METTL25: variants seen among roughly 807,000 people sequenced by gnomAD.
METTL25 encodes the protein methyltransferase like 25.
Under a neutral mutation model 71.6 loss-of-function variants are expected in METTL25, and 64 were observed. The ratio of observed to expected loss-of-function variants is 0.89; its 90% CI spans 0.73 to 1.10. The LOEUF (loss-of-function observed/expected upper bound fraction) is 1.10, where lower values mean the gene tolerates loss of function less well. METTL25 is among the 50% of genes least tolerant of loss of function. The pLI is 0.00. For missense variants in METTL25, 807 were observed against 707.0 expected (o/e 1.14, Z -1.60); for synonymous variants, 287 against 250.3 (o/e 1.15, Z -1.38).
chr12:82,405,349 C>T (rs1367564947), intron 5 of METTL25, among the ~76,000 whole-genome samples: 1 of 152,034 alleles, frequency 6.6e-6, no homozygotes, highest in Non-Finnish European at 1.5e-5. Context: ...TGTTGCGTTG[C>T]TGTGGATTGT....
chr12:82,414,860 T>C (rs118057258), intron 5 of METTL25, among the ~76,000 whole-genome samples: 5,008 of 152,258 alleles, frequency 0.033, 92 homozygotes, highest in Admixed American at 0.041. Flanking sequence ...GGTAAATAAA[T>C]TACCAGAAAG....
At chr12:82,457,419 A>G (rs910860106) in intron 9 of METTL25, among the ~76,000 whole-genome samples, 2 of 151,994 alleles carry the variant, frequency 1.3e-5, no homozygotes, top group African/African-American at 4.8e-5. Context: ...AATTGAGTAT[A>G]AATTGAAACG....
intron 8 of METTL25, among the ~76,000 whole-genome samples, chr12:82,455,128 A>C (rs780630324): frequency 6.6e-6 from 1 of 151,660 alleles, no homozygotes; most frequent in Non-Finnish European, 1.5e-5. Context: ...TAACTGGCTT[A>C]TGGGAAAAAC....
At chr12:82,395,414 G>GT (rs1885979280) in intron 3 of METTL25, among the ~76,000 whole-genome samples, 2 of 152,144 alleles carry the variant, frequency 1.3e-5, no homozygotes, top group South Asian at 4.1e-4. Context: ...AGCCATTGCA[G>GT]TTAACCAGGC....
chr12:82,399,270 C>T lies in METTL25; in HGVS notation c.1007C>T (p.Thr336Ile). 6.2e-6 allele frequency: 10 copies of T among 1,613,716 alleles called. No homozygotes were observed. The highest frequency in any genetic ancestry group is 8.5e-6 in the Non-Finnish European group (10 of 1,179,810). The change falls in exon 4 of 12, where the codon ACA becomes ATA. Residue 336 changes from threonine to isoleucine, a missense_variant. Coordinates refer to ENST00000248306, the MANE Select transcript of METTL25 (RefSeq NM_032230.3). ...TSSQQIPNRE[T>I]SEANKERRKM... ...TCACAGCAAATACCCAACAGAGAAA[C>T]ATCTGAAGCCAATAAAGAGAGAAGA...
chr12:82,373,155 C>G (rs1358291023), intron 1 of METTL25, among the ~76,000 whole-genome samples: 4 of 152,068 alleles, frequency 2.6e-5, no homozygotes. Context: ...AGTATTGGGA[C>G]CTTACCACTG....
chr12:82,372,392 T>C (rs1348817388), intron 1 of METTL25, among the ~76,000 whole-genome samples: 1 of 152,092 alleles, frequency 6.6e-6, no homozygotes, highest in African/African-American at 2.4e-5. Flanking sequence ...TTATCATTAA[T>C]AGGAAGGGGA....
intron 5 of METTL25, among the ~76,000 whole-genome samples, chr12:82,403,785 T>G (rs1226594436): frequency 6.6e-6 from 1 of 152,182 alleles, no homozygotes. Context: ...AATCTTTCCA[T>G]AAGATATTGT....
intron 1 of METTL25, 57 bp from the exon 2 acceptor site, chr12:82,386,746 T>G: frequency 2.2e-6 from 3 of 1,349,100 alleles, no homozygotes; most frequent in Non-Finnish European, 3.1e-6. Flanking sequence ...TTTATTAATA[T>G]CACACTAATT....
At chr12:82,377,233 T>A (rs754948427) in intron 1 of METTL25, among the ~76,000 whole-genome samples, 7 of 152,194 alleles carry the variant, frequency 4.6e-5, no homozygotes, top group Non-Finnish European at 7.4e-5. Context: ...AAAGTAAATA[T>A]CACATGTGGC....
At chr12:82,421,821 C>T (rs1355833310) in intron 5 of METTL25, among the ~76,000 whole-genome samples, 1 of 152,168 alleles carries the variant, frequency 6.6e-6, no homozygotes, top group African/African-American at 2.4e-5. Context: ...TTCCTTGACA[C>T]ATACACCCTC....
chr12:82,453,003 A>T (rs1891254147), intron 8 of METTL25, among the ~76,000 whole-genome samples: 1 of 152,166 alleles, frequency 6.6e-6, no homozygotes, highest in Admixed American at 6.6e-5. Context: ...GTGCATATAC[A>T]ACATTTAAAT....
At chr12:82,377,603 AG>A (rs1884003904) in intron 1 of METTL25, among the ~76,000 whole-genome samples, 1 of 152,216 alleles carries the variant, frequency 6.6e-6, no homozygotes, top group Admixed American at 6.5e-5. Context: ...CAGTGAAAAA[AG>A]AATAATCTCA....
intron 9 of METTL25, chr12:82,468,854 C>G (rs1478352558): frequency 6.6e-6 from 1 of 152,168 alleles, no homozygotes; most frequent in African/African-American, 2.4e-5. Context: ...CACGAGTATT[C>G]CCATGTCATC....
At chr12:82,397,269 G>A (rs951946610) in intron 3 of METTL25, among the ~76,000 whole-genome samples, 1 of 152,072 alleles carries the variant, frequency 6.6e-6, no homozygotes, top group Non-Finnish European at 1.5e-5. Flanking sequence ...CACATTGGCA[G>A]TGTGTATATC....
intron 9 of METTL25, among the ~76,000 whole-genome samples, chr12:82,462,868 C>T (rs187945942): frequency 6.6e-6 from 1 of 152,152 alleles, no homozygotes; most frequent in African/African-American, 2.4e-5. Flanking sequence ...AATCTCTAGA[C>T]TACATATAAT....
chr12:82,436,533 G>A (rs564872044), intron 7 of METTL25, among the ~76,000 whole-genome samples: 1 of 151,352 alleles, frequency 6.6e-6, no homozygotes, highest in Non-Finnish European at 1.5e-5. Context: ...CACATTTGAA[G>A]GTATTTTATA....
chr12:82,478,052 A>G (rs1592791055), intron 11 of METTL25, among the ~76,000 whole-genome samples: 1 of 151,952 alleles, frequency 6.6e-6, no homozygotes, highest in Admixed American at 6.5e-5. Flanking sequence ...ATATTTAAAA[A>G]TGTTTGCTTT....
Position 82,399,260 on chromosome 12 carries a change from A to G in METTL25, c.997A>G (p.Asn333Asp). 1 of 1,613,816 alleles carries G rather than the reference A, an allele frequency of 6.2e-7. No homozygotes were observed. The highest frequency in any genetic ancestry group is 8.5e-7 in the Non-Finnish European group (1 of 1,179,856). Residue 333 changes from asparagine (N) to aspartate (D), a missense_variant, in exon 4 of 12, where the codon AAC becomes GAC. Physicochemically the swap from Asn to Asp is conservative, Grantham distance 23. Transcript: ENST00000248306. ...VEPTSSQQIP[N>D]RETSEANKER... ...GCCTACTTCTTCACAGCAAATACCCAACAGAGAAACATCTGAAGCCAATAA... is the reference window on the plus strand; with the variant it reads ...GCCTACTTCTTCACAGCAAATACCCGACAGAGAAACATCTGAAGCCAATAA...
Sources: gnomAD v4.1 joint callset for allele counts (sites outside exome capture counted in the v4.1 genomes callset) on GRCh38, gnomAD v4.1.1 for gene constraint, MANE v1.5 for transcripts, NCBI Gene and HGNC (gene_info 2026-07-23, HGNC 2026-07-21) for gene names.